The following MCTP1 variants were observed in gnomAD, a reference collection of about 807,000 sequenced individuals.
MCTP1 encodes the protein multiple C2 and transmembrane domain containing 1, also known as multiple C2 and transmembrane domain-containing protein 1.
In MCTP1, 69 loss-of-function variants were observed where a neutral mutation model predicts 120.6. That is an observed-to-expected ratio of 0.57 (90% confidence interval 0.47 to 0.70). The LOEUF (loss-of-function observed/expected upper bound fraction) is 0.70. Ranked by LOEUF, MCTP1 falls within the 30% of genes least tolerant of loss-of-function variation. The pLI is 0.00. For missense variants in MCTP1, 1,203 were observed against 1,248.8 expected, an observed-to-expected ratio of 0.96 and a Z score of 0.55; for synonymous variants, 529 against 493.1, an observed-to-expected ratio of 1.07 and a Z score of -0.96.
chr5:95,252,608 T>C (rs1757484259), intron 1 of MCTP1, among the ~76,000 whole-genome samples: 1 of 152,160 alleles, frequency 6.6e-6, no homozygotes, highest in African/African-American at 2.4e-5. Flanking sequence ...TGCCCTTAAA[T>C]AAGTAGCAGA....
rs1326849902 is a variant in MCTP1 at position 94,703,938 on chromosome 5, T to G, written c.*3558A>C. Reference sequence around the variant, plus strand: ...TCTTATGTGACTGCCTCTATTCAAATTGCCACTATATAAAAGAAACTGAGG... The same window carrying G: ...TCTTATGTGACTGCCTCTATTCAAAGTGCCACTATATAAAAGAAACTGAGG... On this transcript the variant is annotated 3_prime_UTR_variant, in exon 23 of 23. Transcript: ENST00000515393. 6.6e-6 allele frequency: 1 copy of G among 151,020 alleles called. No individual in the cohort carries two copies. The highest frequency in any genetic ancestry group is 1.5e-5 in the Non-Finnish European group (1 of 67,530). 9.4% of individuals were successfully genotyped at this position (151,020 alleles called of 1,614,324 possible).
At chr5:95,271,174 C>T (rs1441892535) in intron 1 of MCTP1, among the ~76,000 whole-genome samples, 1 of 152,112 alleles carries the variant, frequency 6.6e-6, no homozygotes, top group Non-Finnish European at 1.5e-5. Flanking sequence ...ATACACCATT[C>T]AGGATATAAT....
intron 17 of MCTP1, among the ~76,000 whole-genome samples, chr5:94,806,255 T>G (rs1277864174): frequency 1.3e-5 from 2 of 152,022 alleles, no homozygotes; most frequent in Non-Finnish European, 2.9e-5. Flanking sequence ...GATTGGAAAC[T>G]GAATGAGCCA....
At position 94,803,341 on chromosome 5, in the gene MCTP1, G is replaced by T. The variant is rs189107792; in HGVS notation, c.2437-4209C>A. ...CATGTTAGAAGCTCTCTATCAACTG[G>T]CTTTGGGCCGTTAGCCATGACTGTG... On this transcript the variant is annotated intron_variant, in intron 17 of 22. Coordinates refer to ENST00000515393, the MANE Select transcript of MCTP1 (RefSeq NM_024717.7). Among the ~76,000 whole-genome samples the T allele has an allele frequency of 4.6e-5, 7 of 152,266 alleles. No individual in the cohort carries two copies. In the East Asian group the frequency reaches 1.2e-3, roughly 25 times the overall value.
At chr5:94,957,486 G>T (rs913270279) in intron 2 of MCTP1, among the ~76,000 whole-genome samples, 3 of 152,010 alleles carry the variant, frequency 2.0e-5, no homozygotes, top group Non-Finnish European at 2.9e-5. Flanking sequence ...TGGATAAAGA[G>T]TCAAGACCCA....
chr5:94,752,108 AATATATATATATATATATATATATATAT>A (rs146434254), intron 19 of MCTP1, among the ~76,000 whole-genome samples: 5 of 75,756 alleles, frequency 6.6e-5, no homozygotes, highest in Non-Finnish European at 9.4e-5. Context: ...TAAATAATAA[AATATATATATATATATATATATATATAT>A]ATATATATAT....
intron 19 of MCTP1, among the ~76,000 whole-genome samples, chr5:94,755,417 T>C (rs929492106): frequency 1.3e-5 from 2 of 152,146 alleles, no homozygotes; most frequent in Non-Finnish European, 2.9e-5. Flanking sequence ...CTTTCCTCTC[T>C]TTCCCCGCTT....
chr5:95,224,692 T>C (rs1754065941), intron 1 of MCTP1, among the ~76,000 whole-genome samples: 1 of 152,110 alleles, frequency 6.6e-6, no homozygotes, highest in African/African-American at 2.4e-5. Context: ...TTATTTTTCA[T>C]AGAAATGTGG....
At chr5:95,226,639 C>T (rs1754310497) in intron 1 of MCTP1, among the ~76,000 whole-genome samples, 1 of 151,872 alleles carries the variant, frequency 6.6e-6, no homozygotes, top group African/African-American at 2.4e-5. Flanking sequence ...TCTCTATTTT[C>T]CATGAGAATA....
At chr5:95,113,642 C>G (rs1304964501) in intron 1 of MCTP1, among the ~76,000 whole-genome samples, 1 of 152,168 alleles carries the variant, frequency 6.6e-6, no homozygotes, top group Non-Finnish European at 1.5e-5. Flanking sequence ...AATTTGAGTT[C>G]CTGCAAGCCT....
intron 5 of MCTP1, among the ~76,000 whole-genome samples, chr5:94,935,161 T>G (rs1219655567): frequency 6.6e-6 from 1 of 152,056 alleles, no homozygotes; most frequent in Non-Finnish European, 1.5e-5. Context: ...TCTGGAAATT[T>G]TTTTTTAAAG....
intron 18 of MCTP1, among the ~76,000 whole-genome samples, chr5:94,782,201 A>G (rs1776721859): frequency 6.6e-6 from 1 of 152,168 alleles, no homozygotes; most frequent in Admixed American, 6.6e-5. Flanking sequence ...AATAAAAATA[A>G]AATAACATCA....
chr5:95,172,589 T>TG (rs1337317431), intron 1 of MCTP1, among the ~76,000 whole-genome samples: 17 of 78,412 alleles, frequency 2.2e-4, no homozygotes, highest in African/African-American at 7.5e-4. Flanking sequence ...CATATCAAAC[T>TG]ATTTTTTTTT....
intron 1 of MCTP1, among the ~76,000 whole-genome samples, chr5:95,271,998 T>C (rs573702466): frequency 6.6e-6 from 1 of 152,298 alleles, no homozygotes; most frequent in African/African-American, 2.4e-5. Flanking sequence ...TATTTCATCA[T>C]TTAAATGTAA....
intron 1 of MCTP1, among the ~76,000 whole-genome samples, chr5:95,216,198 T>C (rs927304469): frequency 6.6e-6 from 1 of 152,202 alleles, no homozygotes; most frequent in African/African-American, 2.4e-5. Flanking sequence ...ATACACTAAA[T>C]CTTACCTAAA....
At chr5:95,245,861 C>T (rs1418221888) in intron 1 of MCTP1, among the ~76,000 whole-genome samples, 2 of 152,006 alleles carry the variant, frequency 1.3e-5, no homozygotes, top group Non-Finnish European at 2.9e-5. Context: ...GAAGAGCAAC[C>T]CCAAGACACA....
At chr5:95,224,183 T>C (rs910154560) in intron 1 of MCTP1, among the ~76,000 whole-genome samples, 8 of 152,262 alleles carry the variant, frequency 5.3e-5, no homozygotes, top group East Asian at 3.9e-4. Context: ...AACTGAGTAC[T>C]GGGCAGGCCT....
intron 17 of MCTP1, among the ~76,000 whole-genome samples, chr5:94,841,569 G>A (rs1377050395): frequency 6.6e-6 from 1 of 152,132 alleles, no homozygotes; most frequent in South Asian, 2.1e-4. Flanking sequence ...ATCAACAGCA[G>A]CTTGACTCCC....
chr5:95,126,928 T>C (rs1031987146), intron 1 of MCTP1, among the ~76,000 whole-genome samples: 1 of 152,170 alleles, frequency 6.6e-6, no homozygotes, highest in Non-Finnish European at 1.5e-5. Flanking sequence ...AAACCACAAA[T>C]TTTAAAATAA....
Sources: gnomAD v4.1 joint callset for allele counts (sites outside exome capture counted in the v4.1 genomes callset) on GRCh38, gnomAD v4.1.1 for gene constraint, MANE v1.5 for transcripts, NCBI Gene and HGNC (gene_info 2026-07-23, HGNC 2026-07-21) for gene names.